The following ANKRD36C variants were observed in gnomAD, a reference collection of about 807,000 sequenced individuals.
ANKRD36C encodes ankyrin repeat domain-containing protein 36C.
A neutral mutation model predicts 276.4 loss-of-function variants in ANKRD36C; 61 were observed. The observed-to-expected ratio is 0.22, with a 90% CI of 0.18 to 0.27. ANKRD36C has a LOEUF of 0.27. Ranked by LOEUF, ANKRD36C falls within the 10% of genes least tolerant of loss-of-function variation. ANKRD36C has a pLI of 1.00. For synonymous variants in ANKRD36C, 483 were observed against 680.1 expected, an observed-to-expected ratio of 0.71 and a Z score of 4.51; for missense variants, 1,447 against 2,032.3, an observed-to-expected ratio of 0.71 and a Z score of 5.54.
At chr2:95,929,617 G>A (rs576722452) in intron 24 of ANKRD36C, among the ~76,000 whole-genome samples, 9 of 151,734 alleles carry the variant, frequency 5.9e-5, no homozygotes, top group African/African-American at 1.2e-4. Flanking sequence ...GGGAATCAAC[G>A]TCAAAGCAGG....
intron 12 of ANKRD36C, among the ~76,000 whole-genome samples, chr2:95,957,780 G>T (rs374680129): frequency 0.051 from 4,665 of 90,716 alleles, no homozygotes; most frequent in Middle Eastern, 0.11. Flanking sequence ...GAAGGATCAT[G>T]TCATTCTCTA....
chr2:95,910,662 T>C (rs1173346714), intron 42 of ANKRD36C, 94 bp from the exon 45 acceptor site: 7 of 1,585,850 alleles, frequency 4.4e-6, no homozygotes, highest in Non-Finnish European at 6.0e-6. Flanking sequence ...TCTGTCCTCC[T>C]GCCTGTATTA....
intron 60 of ANKRD36C, among the ~76,000 whole-genome samples, chr2:95,866,144 A>G (rs1354046087): frequency 1.1e-4 from 16 of 151,970 alleles, no homozygotes; most frequent in Non-Finnish European, 1.6e-4. Context: ...GGAAACTCAA[A>G]ATGGAGCACA....
At chr2:95,856,674 A>G (rs2463584) in intron 62 of ANKRD36C, among the ~76,000 whole-genome samples, 8 of 152,114 alleles carry the variant, frequency 5.3e-5, no homozygotes, top group African/African-American at 1.2e-4. Flanking sequence ...GTTATGGTCA[A>G]TTTTAAGAAT....
In ANKRD36C at chr2:95,924,702, C is replaced by T. The variant is rs541485593; in HGVS notation, c.2041+650G>A. Among the ~76,000 whole-genome samples, 12 of 151,660 alleles carry T rather than the reference C, an allele frequency of 7.9e-5. No individual in the cohort carries two copies. In the East Asian group the frequency reaches 2.3e-3, roughly 30 times the overall value. On this transcript the variant is annotated intron_variant, in intron 30 of 66. Coordinates refer to ENST00000456556, the Ensembl canonical transcript of ANKRD36C. ...CTGATACTAATAAACAGGAATGAGG[C>T]ACTGTGGTTTATCCCAACTCTAGCA...
At chr2:95,851,699 T>C (rs1250485160) in exon 66 of ANKRD36C, 4 of 1,495,572 alleles carry the variant, frequency 2.7e-6, no homozygotes, top group Non-Finnish European at 3.7e-6. Flanking sequence ...CTTACCAAAC[T>C]TGAATGCTGC....
intron 42 of ANKRD36C, chr2:95,908,695 A>T (rs1370573850): frequency 3.2e-6 from 5 of 1,555,696 alleles, no homozygotes; most frequent in African/African-American, 1.4e-5. Context: ...TGCTCAGAAG[A>T]CACTGAAAAG....
exon 56 of ANKRD36C, chr2:95,882,352 G>C (rs1163985714): frequency 6.4e-7 from 1 of 1,551,668 alleles, no homozygotes; most frequent in Non-Finnish European, 8.7e-7. Context: ...ATTCAAAAGA[G>C]AAACTTTCTT....
chr2:95,875,811 A>T (rs542068103), intron 59 of ANKRD36C, among the ~76,000 whole-genome samples: 1 of 152,098 alleles, frequency 6.6e-6, no homozygotes, highest in Admixed American at 6.5e-5. Context: ...ATGACAGTGG[A>T]TTTAATAAAT....
intron 24 of ANKRD36C, among the ~76,000 whole-genome samples, chr2:95,929,852 A>T (rs1677518102): frequency 6.6e-6 from 1 of 151,442 alleles, no homozygotes; most frequent in African/African-American, 2.4e-5. Flanking sequence ...TCACACCCAT[A>T]TGGTGTAATA....
intron 8 of ANKRD36C, among the ~76,000 whole-genome samples, chr2:95,961,312 T>G (rs2104505492): frequency 6.6e-6 from 1 of 152,164 alleles, no homozygotes; most frequent in South Asian, 2.1e-4. Context: ...TTCAGAAAGT[T>G]TCTTCATCCA....
At chr2:95,915,851 T>A (rs921304007) in intron 38 of ANKRD36C, 129 bp downstream of exon 40, 1 of 1,310,890 alleles carries the variant, frequency 7.6e-7, no homozygotes, top group Non-Finnish European at 1.1e-6. Context: ...AAGAACTTAT[T>A]AGAAATGAAG....
intron 34 of ANKRD36C, among the ~76,000 whole-genome samples, chr2:95,921,305 G>A (rs1365170811): frequency 1.3e-5 from 2 of 150,760 alleles, no homozygotes; most frequent in Non-Finnish European, 3.0e-5. Context: ...AAACCATGCT[G>A]TAGAATTAAA....
intron 20 of ANKRD36C, among the ~76,000 whole-genome samples, chr2:95,939,577 A>T (rs79944768): frequency 4.6e-5 from 7 of 152,268 alleles, no homozygotes; most frequent in African/African-American, 1.4e-4. Context: ...TGGTGGCAGG[A>T]GCCTGTAGTC....
At chr2:95,867,767 A>C (rs1675712858) in intron 59 of ANKRD36C, among the ~76,000 whole-genome samples, 186 bp from the exon 80 acceptor site, 1 of 151,162 alleles carries the variant, frequency 6.6e-6, no homozygotes, top group Non-Finnish European at 1.5e-5. Context: ...TCTATGGATA[A>C]ATTAGTTTCC....
At chr2:95,968,526 T>C (rs1678638525) in intron 6 of ANKRD36C, among the ~76,000 whole-genome samples, 1 of 152,214 alleles carries the variant, frequency 6.6e-6, no homozygotes, top group Non-Finnish European at 1.5e-5. Flanking sequence ...ATCTGCTGTA[T>C]GTGTAGAAAA....
chr2:95,984,249 C>G (rs1246384026), intron 3 of ANKRD36C, among the ~76,000 whole-genome samples: 4 of 151,160 alleles, frequency 2.6e-5, no homozygotes, highest in Non-Finnish European at 5.9e-5. Flanking sequence ...AGGGAGATGA[C>G]CTGAGGAAGT....
intron 1 of ANKRD36C, among the ~76,000 whole-genome samples, chr2:95,987,437 T>A (rs1014410150): frequency 6.6e-6 from 1 of 151,860 alleles, no homozygotes; most frequent in Admixed American, 6.6e-5. Context: ...AGCTGTTATT[T>A]AGCCTTTCTT....
chr2:95,865,850 T>C (rs1212133111), intron 60 of ANKRD36C, among the ~76,000 whole-genome samples: 1 of 152,070 alleles, frequency 6.6e-6, no homozygotes, highest in Non-Finnish European at 1.5e-5. Flanking sequence ...CAACTTAAGG[T>C]GGTTTGACTT....
Sources: allele counts gnomAD v4.1 joint callset (sites outside exome capture counted in the v4.1 genomes callset), GRCh38; gene constraint gnomAD v4.1.1; transcripts MANE v1.5; gene names NCBI Gene and HGNC (gene_info 2026-07-23, HGNC 2026-07-21).